Variants in TMC1 observed in about 807,000 individuals in gnomAD.
TMC1 encodes transmembrane channel-like protein 1.
Under a neutral mutation model 105.8 loss-of-function variants are expected in TMC1, and 84 were observed. The ratio of observed to expected loss-of-function variants is 0.79; its 90% CI spans 0.67 to 0.95. The LOEUF is 0.95. Among genes scored for constraint, TMC1 ranks in the 40% least tolerant of loss-of-function variants. The pLI, the probability that TMC1 is intolerant of heterozygous loss-of-function variation, is 0.00. For missense variants in TMC1, 817 were observed against 914.1 expected, an observed-to-expected ratio of 0.89 and a Z score of 1.37; for synonymous variants, 315 against 311.5, an observed-to-expected ratio of 1.01 and a Z score of -0.12.
chr9:72,572,617 C>T (rs908801297), intron 1 of TMC1, among the ~76,000 whole-genome samples: 1 of 152,148 alleles, frequency 6.6e-6, no homozygotes, highest in Non-Finnish European at 1.5e-5. Flanking sequence ...AGGGGTAATA[C>T]CTGTGTACAT....
rs539723383 is a variant in TMC1 at position 72,819,776 on chromosome 9, C to G, written c.1764-1066C>G. ...ATTCAGGGAGTACAAAATGCTAAACCTAGCTATAAATGTTGAGGGCTTCAT... is the reference window on the plus strand; with the variant it reads ...ATTCAGGGAGTACAAAATGCTAAACGTAGCTATAAATGTTGAGGGCTTCAT... On this transcript the variant is annotated intron_variant, in intron 19 of 23. Coordinates refer to ENST00000297784, the MANE Select transcript of TMC1 (RefSeq NM_138691.3). Among the ~76,000 whole-genome samples the G allele has an allele frequency of 2.6e-5, 4 of 152,264 alleles. No individual in the cohort carries two copies. In the East Asian group the frequency reaches 7.7e-4, roughly 29 times the overall value.
intron 12 of TMC1, among the ~76,000 whole-genome samples, chr9:72,763,803 G>A (rs908398127): frequency 1.3e-5 from 2 of 151,444 alleles, no homozygotes; most frequent in African/African-American, 4.9e-5. Flanking sequence ...TTTTCTCAGA[G>A]CAATTAAAAG....
At chr9:72,562,183 C>G (rs1824066146) in intron 1 of TMC1, among the ~76,000 whole-genome samples, 1 of 152,108 alleles carries the variant, frequency 6.6e-6, no homozygotes, top group South Asian at 2.1e-4. Flanking sequence ...ATACTTCCTG[C>G]CCTGACTAAT....
chr9:72,586,623 G>A lies in TMC1; in HGVS notation c.-306+8600G>A, dbSNP rs114374359. On this transcript the variant is annotated intron_variant, in intron 2 of 23. Transcript: ENST00000297784. ...CCACTTATCTCTGTAGTTGGGTACC[G>A]TTGTGCAGTCTGTGCACTGCCCAGC... Among the ~76,000 whole-genome samples, 719 of 152,306 alleles carry A rather than the reference G, an allele frequency of 4.7e-3. 2 individuals are homozygous for A. The highest frequency in any genetic ancestry group is 0.016 in the African/African-American group (674 of 41,570).
At chr9:72,580,492 A>T (rs571127794) in intron 2 of TMC1, among the ~76,000 whole-genome samples, 2 of 152,134 alleles carry the variant, frequency 1.3e-5, no homozygotes, top group East Asian at 3.9e-4. Flanking sequence ...ATTTCTTCCT[A>T]TGTACATTTT....
chr9:72,607,776 T>G (rs984004396), intron 2 of TMC1: 1 of 151,560 alleles, frequency 6.6e-6, no homozygotes, highest in Non-Finnish European at 1.5e-5. Context: ...TGAGACCCTG[T>G]CTCTACAAAG....
intron 5 of TMC1, among the ~76,000 whole-genome samples, chr9:72,678,210 C>T (rs1826232767): frequency 6.6e-6 from 1 of 152,022 alleles, no homozygotes; most frequent in Non-Finnish European, 1.5e-5. Flanking sequence ...TGATTTTTGT[C>T]AAGTCATTTG....
chr9:72,650,379 G>A (rs748845455), intron 5 of TMC1, among the ~76,000 whole-genome samples: 1 of 152,126 alleles, frequency 6.6e-6, no homozygotes, highest in East Asian at 1.9e-4. Context: ...TCTATTATGT[G>A]CCAGGTTCTG....
At chr9:72,670,222 T>C (rs1402706792) in intron 5 of TMC1, among the ~76,000 whole-genome samples, 1 of 152,074 alleles carries the variant, frequency 6.6e-6, no homozygotes, top group Non-Finnish European at 1.5e-5. Flanking sequence ...ATCCTTAGAA[T>C]CACATAGGCC....
intron 1 of TMC1, among the ~76,000 whole-genome samples, chr9:72,545,135 T>C (rs906649904): frequency 6.9e-5 from 9 of 129,568 alleles, no homozygotes; most frequent in East Asian, 2.3e-4. Context: ...ATGATATATA[T>C]ATACACACAC....
intron 1 of TMC1, among the ~76,000 whole-genome samples, chr9:72,522,227 A>T (rs892230214): frequency 2.7e-5 from 4 of 149,052 alleles, no homozygotes; most frequent in African/African-American, 2.5e-5. Context: ...TCGGCTCCCC[A>T]AGTAGCTGGG....
intron 2 of TMC1, among the ~76,000 whole-genome samples, chr9:72,595,227 G>A (rs1824699333): frequency 6.6e-6 from 1 of 152,074 alleles, no homozygotes; most frequent in African/African-American, 2.4e-5. Context: ...GAAGCCAAAT[G>A]GTATTAATTT....
intron 17 of TMC1, among the ~76,000 whole-genome samples, chr9:72,793,329 C>T (rs1375145942): frequency 6.6e-6 from 1 of 152,126 alleles, no homozygotes; most frequent in African/African-American, 2.4e-5. Flanking sequence ...CTTGGAACTC[C>T]AGCCAGTTAC....
chr9:72,586,877 A>G (rs559733003), intron 2 of TMC1, among the ~76,000 whole-genome samples: 2 of 152,344 alleles, frequency 1.3e-5, no homozygotes, highest in South Asian at 4.1e-4. Context: ...AGGAGTATCT[A>G]TTAAGGCTTT....
At chr9:72,680,922 T>A (rs1588028190) in intron 5 of TMC1, among the ~76,000 whole-genome samples, 1 of 152,292 alleles carries the variant, frequency 6.6e-6, no homozygotes, top group East Asian at 1.9e-4. Context: ...TTTAGTGTTT[T>A]TTGTTTGTTT....
chr9:72,603,415 A>AC (rs151122523), intron 2 of TMC1, among the ~76,000 whole-genome samples: 14,917 of 149,886 alleles, frequency 0.1, 925 homozygotes, highest in Non-Finnish European at 0.15. Flanking sequence ...ACACACACAC[A>AC]CACACACCAC....
chr9:72,684,589 C>G (rs115446465), intron 5 of TMC1, among the ~76,000 whole-genome samples: 278 of 152,182 alleles, frequency 1.8e-3, no homozygotes, highest in African/African-American at 6.4e-3. Flanking sequence ...AATGTTTTTG[C>G]TGATAATTCC....
intron 8 of TMC1, among the ~76,000 whole-genome samples, chr9:72,719,322 G>A (rs553963012): frequency 2.0e-5 from 3 of 152,296 alleles, no homozygotes; most frequent in African/African-American, 7.2e-5. Flanking sequence ...AGACAAGTCA[G>A]AAATTGCTTC....
intron 19 of TMC1, among the ~76,000 whole-genome samples, chr9:72,817,965 T>A (rs1588099087): frequency 6.6e-6 from 1 of 152,300 alleles, no homozygotes; most frequent in South Asian, 2.1e-4. Flanking sequence ...AGAAGCAAAC[T>A]GACCATTATT....
Sources: allele counts gnomAD v4.1 joint callset (sites outside exome capture counted in the v4.1 genomes callset), GRCh38; gene constraint gnomAD v4.1.1; transcripts MANE v1.5; gene names NCBI Gene and HGNC (gene_info 2026-07-23, HGNC 2026-07-21).